GUCY1A1: variants seen among roughly 807,000 people sequenced by gnomAD.
GUCY1A1 encodes guanylate cyclase 1 soluble subunit alpha 1.
A neutral mutation model predicts 64.5 loss-of-function variants in GUCY1A1; 48 were observed. That is an observed-to-expected ratio of 0.74 (90% confidence interval 0.59 to 0.95). The LOEUF (loss-of-function observed/expected upper bound fraction) is 0.95. Ranked by LOEUF, GUCY1A1 falls within the 40% of genes least tolerant of loss-of-function variation. The pLI, the probability that GUCY1A1 is intolerant of heterozygous loss-of-function variation, is 0.00. For synonymous variants in GUCY1A1, 308 were observed against 303.4 expected, an observed-to-expected ratio of 1.02 and a Z score of -0.16; for missense variants, 804 against 825.3, an observed-to-expected ratio of 0.97 and a Z score of 0.32.
chr4:155,717,205 AAG>A lies in GUCY1A1; in HGVS notation c.1624_1625del (p.Ser542Ter). 6.4e-7 allele frequency: 1 copy of A among 1,571,392 alleles called. No individual in the cohort carries two copies. The highest frequency in any genetic ancestry group is 8.7e-7 in the Non-Finnish European group (1 of 1,153,406). Reference sequence around the variant, plus strand: ...TATTGTGTAGCTGGGGGATTACACAAAGAGAGTGATACTCATGCTGTTCAGAT... The same window carrying A: ...TATTGTGTAGCTGGGGGATTACACAAAGAGTGATACTCATGCTGTTCAGAT... On this transcript the variant is annotated frameshift_variant, in exon 8 of 10. Coordinates refer to ENST00000506455, the MANE Select transcript of GUCY1A1 (RefSeq NM_001130682.3). LOFTEE classifies it high-confidence loss of function.
In GUCY1A1 at chr4:155,713,558, A is replaced by T; in HGVS notation, c.1547A>T (p.Gln516Leu). The change falls in exon 7 of 10, where the codon CAG becomes CTG. Residue 516 changes from glutamine to leucine, a missense_variant. Coordinates refer to ENST00000506455, the MANE Select transcript of GUCY1A1 (RefSeq NM_001130682.3). ...GCACTGTACACTCGCTTCGACCAGC[A>T]GTGTGGAGAGCTGGATGTCTACAAG... is the stretch of plus-strand genomic sequence containing the variant. The part of the protein sequence containing the change: ...LNALYTRFDQ[Q>L]CGELDVYKVE... The T allele has an allele frequency of 6.2e-7, 1 of 1,613,578 alleles. No individual in the cohort carries two copies. The highest frequency in any genetic ancestry group is 1.3e-5 in the African/African-American group (1 of 75,032).
intron 2 of GUCY1A1, among the ~76,000 whole-genome samples, chr4:155,692,226 A>G (rs1173998767): frequency 6.6e-6 from 1 of 152,058 alleles, no homozygotes; most frequent in African/African-American, 2.4e-5. Flanking sequence ...TCCATGTTTT[A>G]CTATTGTGAA....
At chr4:155,689,741 A>G (rs1458563219) in intron 2 of GUCY1A1, among the ~76,000 whole-genome samples, 1 of 152,080 alleles carries the variant, frequency 6.6e-6, no homozygotes, top group Non-Finnish European at 1.5e-5. Flanking sequence ...ATTAAACACA[A>G]TTTGTGTCCA....
At chr4:155,718,899 A>G (rs1474064428) in intron 8 of GUCY1A1, among the ~76,000 whole-genome samples, 1 of 152,212 alleles carries the variant, frequency 6.6e-6, no homozygotes, top group Non-Finnish European at 1.5e-5. Context: ...TTTTAAAAGC[A>G]TCACAATATC....
intron 2 of GUCY1A1, among the ~76,000 whole-genome samples, chr4:155,695,432 T>C (rs1730288122): frequency 6.6e-6 from 1 of 152,188 alleles, no homozygotes. Context: ...CACTAGCCAA[T>C]GAACAGGAAA....
intron 9 of GUCY1A1, among the ~76,000 whole-genome samples, chr4:155,726,452 C>A (rs555356665): frequency 2.0e-5 from 3 of 151,838 alleles, no homozygotes; most frequent in Admixed American, 6.6e-5. Context: ...GTACAAGAAG[C>A]GGCTGCTAAA....
chr4:155,706,769 T>C (rs1398683051), intron 4 of GUCY1A1, among the ~76,000 whole-genome samples: 1 of 152,200 alleles, frequency 6.6e-6, no homozygotes, highest in Non-Finnish European at 1.5e-5. Flanking sequence ...GTAGTTTGAA[T>C]TGCACTATGT....
chr4:155,736,007 T>C lies in GUCY1A1; in HGVS notation c.*5776T>C, dbSNP rs562478846. 6.6e-6 allele frequency: 1 copy of C among 152,072 alleles called. No homozygotes were observed. Among genetic ancestry groups the C allele is most frequent in the Non-Finnish European group, 1.5e-5 (1 of 67,922 alleles). 9.4% of individuals were successfully genotyped at this position (152,072 alleles called of 1,614,324 possible). On this transcript the variant is annotated 3_prime_UTR_variant, in exon 10 of 10. Transcript: ENST00000506455. ...GAAGTGAATGAAAATGTATTAGTAT[T>C]TGAGAATTTACTATTCCTTCACCTC...
In GUCY1A1 at chr4:155,736,726, C is replaced by T. The variant is rs1417772590; in HGVS notation, c.*6495C>T. ...TCTTTTCAGCAAATATTTAACATAT[C>T]TCTCAATATATTTTTCACCAGTTTT... On this transcript the variant is annotated 3_prime_UTR_variant, in exon 10 of 10. Transcript: ENST00000506455. 1 of 151,856 alleles carries T rather than the reference C, an allele frequency of 6.6e-6. No individual in the cohort carries two copies. The highest frequency in any genetic ancestry group is 1.9e-4 in the East Asian group (1 of 5,154). 9.4% of individuals were successfully genotyped at this position (151,856 alleles called of 1,614,324 possible). A position where few individuals can be genotyped will look rare whatever the true frequency, so the allele number is the denominator to read the frequency against.
chr4:155,730,832 C>T lies in GUCY1A1; in HGVS notation c.*601C>T, dbSNP rs1735464363. 1 of 152,968 alleles carries T rather than the reference C, an allele frequency of 6.5e-6. No individual in the cohort carries two copies. The highest frequency in any genetic ancestry group is 1.5e-5 in the Non-Finnish European group (1 of 67,768). The allele number at this position is 152,968 out of a possible 1,614,324, so 9.5% of individuals were successfully genotyped here. A position where few individuals can be genotyped will look rare whatever the true frequency, so the allele number is the denominator to read the frequency against. Reference sequence around the variant, plus strand: ...GATGCAATATGAATATAAAATAGTTCTGTAAATACCAAATATTATTTTTAG... The same window carrying T: ...GATGCAATATGAATATAAAATAGTTTTGTAAATACCAAATATTATTTTTAG... On this transcript the variant is annotated 3_prime_UTR_variant, in exon 10 of 10. Transcript: ENST00000506455.
intron 9 of GUCY1A1, among the ~76,000 whole-genome samples, chr4:155,724,926 C>A (rs528149874): frequency 7.9e-5 from 12 of 152,046 alleles, no homozygotes; most frequent in Non-Finnish European, 1.5e-4. Context: ...CCACTTCCCA[C>A]CCAGGCAAGC....
Position 155,730,359 on chromosome 4 carries a change from T to A in GUCY1A1, c.*128T>A. The A allele has an allele frequency of 1.8e-6, 1 of 564,896 alleles. No homozygotes were observed. Among genetic ancestry groups the A allele is most frequent in the Non-Finnish European group, 3.1e-6 (1 of 320,866 alleles). 35.0% of individuals were successfully genotyped at this position (564,896 alleles called of 1,614,324 possible). On this transcript the variant is annotated 3_prime_UTR_variant, in exon 10 of 10. Coordinates refer to ENST00000506455, the MANE Select transcript of GUCY1A1 (RefSeq NM_001130682.3). ...TAAAATTTCAGGAGCCAAGTCACAA[T>A]CTTTCTCCTGTTTAACATGACAAAA...
rs149872346 is a variant in GUCY1A1, at chr4:155,670,835, C to T, written c.-113+3416C>T. ...TCACATACCAAGTCATCTATCTCAC[C>T]ATACTAAGAATTAGCAGGAAGTCGA... On this transcript the variant is annotated intron_variant, in intron 2 of 9. Coordinates refer to ENST00000506455, the MANE Select transcript of GUCY1A1 (RefSeq NM_001130682.3). 1.7e-3 allele frequency among the ~76,000 whole-genome samples: 264 copies of T among 152,268 alleles called. 1 individual carries two copies. Among genetic ancestry groups the T allele is most frequent in the African/African-American group, 5.9e-3 (244 of 41,566 alleles).
At chr4:155,702,568 C>A (rs570407680) in intron 3 of GUCY1A1, among the ~76,000 whole-genome samples, 2 of 152,304 alleles carry the variant, frequency 1.3e-5, no homozygotes, top group African/African-American at 4.8e-5. Flanking sequence ...TCAGAATCTG[C>A]CCTCTGGGTG....
chr4:155,707,423 T>C (rs1179223172), intron 4 of GUCY1A1, among the ~76,000 whole-genome samples: 1 of 152,180 alleles, frequency 6.6e-6, no homozygotes, highest in Admixed American at 6.5e-5. Context: ...CAGTGCACTG[T>C]AGAGTACCGG....
At chr4:155,681,319 TA>T (rs1735729333) in intron 2 of GUCY1A1, among the ~76,000 whole-genome samples, 4 of 152,134 alleles carry the variant, frequency 2.6e-5, no homozygotes, top group Non-Finnish European at 4.4e-5. Context: ...CTCTGTATAG[TA>T]AGTATTTCTA....
At position 155,710,902 on chromosome 4, in the gene GUCY1A1, A is replaced by G; in HGVS notation, c.737A>G (p.Glu246Gly). Residue 246 changes from glutamate (E) to glycine (G), a missense_variant, in exon 6 of 10, where the codon GAG becomes GGG. Physicochemically the swap from Glu to Gly is moderately conservative, Grantham distance 98. Transcript: ENST00000506455. ...CCCTGCTTCCATAATGATTGCAGCG[A>G]GTTTGTGAATCAGCCCTACTTGTTG... The part of the protein sequence containing the change: ...MPPCFHNDCS[E>G]FVNQPYLLYS... 1 of 1,614,008 alleles carries G rather than the reference A, an allele frequency of 6.2e-7. No homozygotes were observed. The highest frequency in any genetic ancestry group is 2.2e-5 in the East Asian group (1 of 44,874).
chr4:155,713,367 C>T lies in GUCY1A1; in HGVS notation c.1356C>T (p.Asp452=), dbSNP rs2126876182. The T allele has an allele frequency of 6.2e-7, 1 of 1,614,116 alleles. No individual in the cohort carries two copies. Among genetic ancestry groups the T allele is most frequent in the Non-Finnish European group, 8.5e-7 (1 of 1,180,006 alleles). The change falls in exon 7 of 10, where the codon GAC becomes GAT. Residue 452 remains aspartate (D), a synonymous_variant. Coordinates refer to ENST00000506455, the MANE Select transcript of GUCY1A1 (RefSeq NM_001130682.3). The part of the protein sequence containing the change: ...ALEEEKKKTV[D]LLCSIFPCEV... ...AGGAGGAGAAGAAAAAGACAGTAGA[C>T]CTTCTGTGCTCCATATTTCCCTGTG...
chr4:155,679,913 A>T (rs1304396574), intron 2 of GUCY1A1, among the ~76,000 whole-genome samples: 1 of 152,058 alleles, frequency 6.6e-6, no homozygotes, highest in Non-Finnish European at 1.5e-5. Context: ...TATCTCATTG[A>T]TCTCTTTGTC....
Sources: gnomAD v4.1 joint callset for allele counts (sites outside exome capture counted in the v4.1 genomes callset) on GRCh38, gnomAD v4.1.1 for gene constraint, MANE v1.5 for transcripts, NCBI Gene and HGNC (gene_info 2026-07-23, HGNC 2026-07-21) for gene names.